Variants in PAFAH1B1 observed in about 807,000 individuals in gnomAD.
PAFAH1B1 encodes platelet activating factor acetylhydrolase 1b regulatory subunit 1.
Under a neutral mutation model 57.5 loss-of-function variants are expected in PAFAH1B1, and 2 were observed. The observed-to-expected ratio is 0.03, with a 90% CI of 0.01 to 0.11. PAFAH1B1 has a LOEUF of 0.11. Among genes scored for constraint, PAFAH1B1 ranks in the 10% least tolerant of loss-of-function variants. PAFAH1B1 has a pLI of 1.00. For missense variants in PAFAH1B1, 257 were observed against 512.0 expected (o/e 0.50, Z 4.81); for synonymous variants, 152 against 169.6 (o/e 0.90, Z 0.81).
intron 5 of PAFAH1B1, among the ~76,000 whole-genome samples, chr17:2,668,934 C>A (rs879424747): frequency 9.9e-5 from 15 of 151,924 alleles, no homozygotes; most frequent in Non-Finnish European, 1.8e-4. Context: ...CAAGATCGCG[C>A]CACTGCACTC....
intron 1 of PAFAH1B1, among the ~76,000 whole-genome samples, chr17:2,602,770 TA>T (rs2068159740): frequency 6.6e-6 from 1 of 152,248 alleles, no homozygotes; most frequent in Admixed American, 6.5e-5. Flanking sequence ...CACTTACTAA[TA>T]CGCCAGGCTC....
At chr17:2,665,313 A>G (rs1001494004) in intron 2 of PAFAH1B1, 59 bp from the exon 3 acceptor site, 8 of 923,832 alleles carry the variant, frequency 8.7e-6, no homozygotes, top group African/African-American at 8.1e-5. Flanking sequence ...AATAAATTCT[A>G]TTTCTTCAGA....
intron 1 of PAFAH1B1, among the ~76,000 whole-genome samples, chr17:2,618,649 T>G (rs760165337): frequency 1.2e-4 from 18 of 151,840 alleles, no homozygotes; most frequent in Non-Finnish European, 1.6e-4. Flanking sequence ...ATTTATGTTA[T>G]TTTTTTATTT....
At chr17:2,662,481 G>A (rs1328380674) in intron 2 of PAFAH1B1, among the ~76,000 whole-genome samples, 1 of 147,264 alleles carries the variant, frequency 6.8e-6, no homozygotes, top group Non-Finnish European at 1.5e-5. Context: ...TTGGCTCACC[G>A]AAACCTTTGC....
chr17:2,679,770 C>T lies in PAFAH1B1; in HGVS notation c.1003-394C>T, dbSNP rs529383911. Reference sequence around the variant, plus strand: ...GTATATTTTGCTGAAATCATTTGAGCGTTCTTTGCAGACATCGTAACACTT... The same window carrying T: ...GTATATTTTGCTGAAATCATTTGAGTGTTCTTTGCAGACATCGTAACACTT... On this transcript the variant is annotated intron_variant, in intron 9 of 10. Coordinates refer to ENST00000397195, the MANE Select transcript of PAFAH1B1 (RefSeq NM_000430.4). The T allele has an allele frequency of 1.2e-5, 3 of 240,652 alleles. No homozygotes were observed. The South Asian group carries it at 1.6e-4, about 13-fold the overall frequency. 14.9% of individuals were successfully genotyped at this position (240,652 alleles called of 1,614,324 possible).
intron 2 of PAFAH1B1, among the ~76,000 whole-genome samples, chr17:2,644,667 C>A (rs571708393): frequency 6.6e-6 from 1 of 152,164 alleles, no homozygotes; most frequent in Admixed American, 6.5e-5. Context: ...TTTTGTAACT[C>A]CAAATAATAC....
intron 2 of PAFAH1B1, among the ~76,000 whole-genome samples, chr17:2,655,839 G>T (rs1004510781): frequency 2.6e-5 from 4 of 152,084 alleles, no homozygotes; most frequent in African/African-American, 9.7e-5. Context: ...AAACTACATT[G>T]AGAAAGTTAT....
chr17:2,676,602 C>T lies in PAFAH1B1; in HGVS notation c.998C>T (p.Thr333Ile), dbSNP rs1452249667. The change falls in exon 9 of 11, where the codon ACC becomes ATC. Residue 333 changes from threonine (T) to isoleucine (I), a missense_variant. Physicochemically the swap from Thr to Ile is moderately conservative, Grantham distance 89. Transcript: ENST00000397195. The stretch of plus-strand genomic sequence containing the variant: ...GTCAGTACTGGCATGTGCCTTATGA[C>T]CCTCGTAAGTTTGCATAATCTTACC... The part of the protein sequence containing the change: ...WDVSTGMCLM[T>I]LVGHDNWVRG... The T allele has an allele frequency of 6.3e-7, 1 of 1,585,264 alleles. No homozygotes were observed.
rs2068644834 is a variant in PAFAH1B1 at position 2,637,961 on chromosome 17, C to G, written c.-190-138C>G. ...GGTTTTTGACATTAGTTGACTTTCA[C>G]TATAAGTGGAAAATCATCATCTAAT... On this transcript the variant is annotated intron_variant, in intron 1 of 10. Transcript: ENST00000397195. 5 of 421,206 alleles carry G rather than the reference C, an allele frequency of 1.2e-5. No homozygotes were observed. The East Asian group carries it at 1.7e-4, about 14-fold the overall frequency. 26.1% of individuals were successfully genotyped at this position (421,206 alleles called of 1,614,324 possible).
At chr17:2,637,243 A>G (rs1381236989) in intron 1 of PAFAH1B1, among the ~76,000 whole-genome samples, 1 of 152,138 alleles carries the variant, frequency 6.6e-6, no homozygotes, top group Non-Finnish European at 1.5e-5. Context: ...TCTTCCAATC[A>G]AATTTTATAT....
At chr17:2,614,814 C>T (rs2068317308) in intron 1 of PAFAH1B1, among the ~76,000 whole-genome samples, 1 of 152,104 alleles carries the variant, frequency 6.6e-6, no homozygotes, top group African/African-American at 2.4e-5. Flanking sequence ...TGTTAAACTT[C>T]TGGCCTCAAG....
chr17:2,594,854 C>G (rs2068067648), intron 1 of PAFAH1B1, among the ~76,000 whole-genome samples: 1 of 152,244 alleles, frequency 6.6e-6, no homozygotes, highest in Non-Finnish European at 1.5e-5. Context: ...TCTTTAGCCT[C>G]CCACATGAGA....
intron 1 of PAFAH1B1, among the ~76,000 whole-genome samples, chr17:2,610,545 T>C (rs1419480425): frequency 6.6e-6 from 1 of 152,296 alleles, no homozygotes; most frequent in African/African-American, 2.4e-5. Context: ...GTGTCCAATA[T>C]TTTGACTTCC....
At chr17:2,674,688 T>A (rs1437606194) in intron 8 of PAFAH1B1, among the ~76,000 whole-genome samples, 1 of 152,242 alleles carries the variant, frequency 6.6e-6, no homozygotes, top group Non-Finnish European at 1.5e-5. Flanking sequence ...ATTTATTTTT[T>A]AAAATTAATT....
intron 6 of PAFAH1B1, among the ~76,000 whole-genome samples, chr17:2,672,329 A>G (rs1190114432): frequency 4.0e-5 from 6 of 149,246 alleles, no homozygotes; most frequent in Non-Finnish European, 7.4e-5. Context: ...CCTAGCGTTC[A>G]TATGTAAACA....
chr17:2,663,737 T>A (rs2069053124), intron 2 of PAFAH1B1, among the ~76,000 whole-genome samples: 1 of 151,678 alleles, frequency 6.6e-6, no homozygotes, highest in African/African-American at 2.4e-5. Flanking sequence ...TCACTCTGTT[T>A]CCCAGGCTGG....
At chr17:2,603,924 G>C (rs1259309723) in intron 1 of PAFAH1B1, among the ~76,000 whole-genome samples, 1 of 151,956 alleles carries the variant, frequency 6.6e-6, no homozygotes, top group African/African-American at 2.4e-5. Flanking sequence ...TTTTAGTAGA[G>C]ATGGGGTTTC....
At chr17:2,598,740 A>C (rs1308138181) in intron 1 of PAFAH1B1, among the ~76,000 whole-genome samples, 1 of 152,200 alleles carries the variant, frequency 6.6e-6, no homozygotes, top group East Asian at 1.9e-4. Flanking sequence ...TGAAGGTCAA[A>C]CATTTTGAGA....
At chr17:2,659,967 T>C (rs1029744) in intron 2 of PAFAH1B1, among the ~76,000 whole-genome samples, 92,615 of 152,126 alleles carry the variant, frequency 0.61, 29,713 homozygotes, top group East Asian at 0.88. Context: ...CAAGACTATA[T>C]AGTTTCATCT....
Sources: allele counts gnomAD v4.1 joint callset (sites outside exome capture counted in the v4.1 genomes callset), GRCh38; gene constraint gnomAD v4.1.1; transcripts MANE v1.5; gene names NCBI Gene and HGNC (gene_info 2026-07-23, HGNC 2026-07-21).